The following OTUD7A variants were observed in gnomAD, a reference collection of about 807,000 sequenced individuals.
OTUD7A encodes OTU deubiquitinase 7A.
OTUD7A carries 12 observed loss-of-function variants against 65.7 expected under a neutral mutation model. The observed-to-expected ratio is 0.18, with a 90% CI of 0.12 to 0.30. The LOEUF is 0.30. Among genes scored for constraint, OTUD7A ranks in the 10% least tolerant of loss-of-function variants. The pLI is 1.00. For missense variants in OTUD7A, 1,148 were observed against 1,304.8 expected (o/e 0.88, Z 1.85); for synonymous variants, 641 against 586.3 (o/e 1.09, Z -1.35).
intron 1 of OTUD7A, among the ~76,000 whole-genome samples, chr15:31,735,674 T>C (rs1894169548): frequency 2.0e-5 from 3 of 152,130 alleles, no homozygotes; most frequent in Admixed American, 6.5e-5. Flanking sequence ...GACCTAAACA[T>C]AGAAATATCA....
intron 1 of OTUD7A, among the ~76,000 whole-genome samples, chr15:31,794,560 A>T (rs1895900877): frequency 6.6e-6 from 1 of 151,908 alleles, no homozygotes; most frequent in East Asian, 1.9e-4. Context: ...TGATTCATTC[A>T]TTCAACTAAT....
chr15:31,834,782 T>C (rs534453677), intron 1 of OTUD7A, among the ~76,000 whole-genome samples: 2 of 152,324 alleles, frequency 1.3e-5, no homozygotes, highest in South Asian at 2.1e-4. Context: ...GTAAAAGTGG[T>C]TATCTGCAGT....
intron 1 of OTUD7A, among the ~76,000 whole-genome samples, chr15:31,669,446 C>T (rs1298534890): frequency 2.0e-5 from 3 of 152,166 alleles, no homozygotes; most frequent in Admixed American, 2.0e-4. Flanking sequence ...CCGGCAGTCG[C>T]AGGCCTCACC....
chr15:31,709,858 T>C (rs1893397175), intron 1 of OTUD7A, among the ~76,000 whole-genome samples: 1 of 152,128 alleles, frequency 6.6e-6, no homozygotes, highest in African/African-American at 2.4e-5. Context: ...CACAAGTGTG[T>C]GTGTATCTGG....
chr15:31,774,987 A>AAAC (rs5811663), intron 1 of OTUD7A, among the ~76,000 whole-genome samples: 1 of 149,054 alleles, frequency 6.7e-6, no homozygotes, highest in African/African-American at 2.5e-5. Flanking sequence ...TAAAAAAAAA[A>AAAC]AGTGATACTG....
chr15:31,535,483 A>C (rs1334499856), intron 5 of OTUD7A, among the ~76,000 whole-genome samples: 2 of 152,202 alleles, frequency 1.3e-5, no homozygotes, highest in East Asian at 3.9e-4. Context: ...GAAATGGACT[A>C]TTACCTACCT....
chr15:31,824,496 G>T (rs993988754), intron 1 of OTUD7A, among the ~76,000 whole-genome samples: 2 of 152,180 alleles, frequency 1.3e-5, no homozygotes, highest in Admixed American at 1.3e-4. Flanking sequence ...TCAGAGAAAT[G>T]CCTCTTTACT....
At position 31,499,683 on chromosome 15, in the gene OTUD7A, C is replaced by A. The variant is rs572765988; in HGVS notation, c.1171+2007G>T. ...CCTGCCCTGCAGTGGGTCGTGGGGA[C>A]CTTATGGGTGAATGTGCAGCCTGGC... is the stretch of plus-strand genomic sequence containing the variant. On this transcript the variant is annotated intron_variant, in intron 10 of 12. Transcript: ENST00000307050. Among the ~76,000 whole-genome samples, 376 of 152,302 alleles carry A rather than the reference C, an allele frequency of 2.5e-3. 1 individual carries two copies. The highest frequency in any genetic ancestry group is 5.2e-3 in the Admixed American group (79 of 15,304).
At chr15:31,610,605 A>ATTTTT (rs1472216504) in intron 3 of OTUD7A, among the ~76,000 whole-genome samples, 9 of 38,660 alleles carry the variant, frequency 2.3e-4, no homozygotes, top group Admixed American at 1.7e-3. Flanking sequence ...ATATATATAT[A>ATTTTT]TATATATATA....
At chr15:31,646,348 A>G in intron 3 of OTUD7A, among the ~76,000 whole-genome samples, 1 of 151,994 alleles carries the variant, frequency 6.6e-6, no homozygotes, top group African/African-American at 2.4e-5. Context: ...GACACCAAGA[A>G]AGACGCTGGG....
chr15:31,568,250 C>T (rs2141169734), intron 4 of OTUD7A, among the ~76,000 whole-genome samples: 1 of 152,376 alleles, frequency 6.6e-6, no homozygotes, highest in East Asian at 1.9e-4. Flanking sequence ...CTTGGGAGTC[C>T]ACCTCTTGCA....
intron 1 of OTUD7A, among the ~76,000 whole-genome samples, chr15:31,799,710 CCACT>C (rs973682368): frequency 6.6e-6 from 1 of 152,150 alleles, no homozygotes; most frequent in African/African-American, 2.4e-5. Context: ...CTTGCATATA[CCACT>C]CACTCTGTAG....
intron 5 of OTUD7A, among the ~76,000 whole-genome samples, chr15:31,544,240 T>C (rs936010684): frequency 1.3e-5 from 2 of 151,480 alleles, no homozygotes; most frequent in African/African-American, 4.8e-5. Flanking sequence ...TAAAATAGTA[T>C]GGAGAAAAAA....
At chr15:31,854,733 T>C (rs1897522152) in intron 1 of OTUD7A, among the ~76,000 whole-genome samples, 1 of 151,812 alleles carries the variant, frequency 6.6e-6, no homozygotes, top group East Asian at 1.9e-4. Flanking sequence ...CCATGCATGG[T>C]AACATATTCA....
chr15:31,599,908 T>C (rs1890024344), intron 3 of OTUD7A, among the ~76,000 whole-genome samples: 1 of 151,850 alleles, frequency 6.6e-6, no homozygotes, highest in Admixed American at 6.6e-5. Context: ...GAAGATCAAA[T>C]TAATGAAATA....
At chr15:31,848,414 T>C (rs1897337838) in intron 1 of OTUD7A, among the ~76,000 whole-genome samples, 2 of 152,274 alleles carry the variant, frequency 1.3e-5, no homozygotes, top group African/African-American at 2.4e-5. Flanking sequence ...GTTCCCCAGT[T>C]GTAGGTAATA....
chr15:31,716,304 G>T (rs1893582732), intron 1 of OTUD7A, among the ~76,000 whole-genome samples: 1 of 4,862 alleles, frequency 2.1e-4, no homozygotes. Flanking sequence ...TGTATTATAT[G>T]TAATATTGAT....
chr15:31,809,492 CT>C (rs1174309562), intron 1 of OTUD7A, among the ~76,000 whole-genome samples: 11 of 152,216 alleles, frequency 7.2e-5, no homozygotes, highest in African/African-American at 2.7e-4. Context: ...GCAATAAAAC[CT>C]GAGCAGAAAC....
At chr15:31,647,639 T>C (rs868499282) in intron 3 of OTUD7A, among the ~76,000 whole-genome samples, 28 of 152,074 alleles carry the variant, frequency 1.8e-4, no homozygotes, top group African/African-American at 6.8e-4. Flanking sequence ...GACTTAGTTA[T>C]CTCCACAGCA....
Sources: gnomAD v4.1 joint callset for allele counts (sites outside exome capture counted in the v4.1 genomes callset) on GRCh38, gnomAD v4.1.1 for gene constraint, MANE v1.5 for transcripts, NCBI Gene and HGNC (gene_info 2026-07-23, HGNC 2026-07-21) for gene names.